The following CNTNAP2 variants were observed in gnomAD, a reference collection of about 807,000 sequenced individuals.
CNTNAP2 encodes contactin-associated protein-like 2.
In CNTNAP2, 98 loss-of-function variants were observed where a neutral mutation model predicts 155.2. That is an observed-to-expected ratio of 0.63 (90% CI 0.54 to 0.75). CNTNAP2 has a LOEUF of 0.75. CNTNAP2 is among the 30% of genes least tolerant of loss of function. The pLI, the probability that CNTNAP2 is intolerant of heterozygous loss-of-function variation, is 0.00. For missense variants in CNTNAP2, 1,727 were observed against 1,688.1 expected, an observed-to-expected ratio of 1.02 and a Z score of -0.40; for synonymous variants, 651 against 631.2, an observed-to-expected ratio of 1.03 and a Z score of -0.47.
chr7:147,909,079 T>C (rs1228257215), intron 14 of CNTNAP2, among the ~76,000 whole-genome samples: 1 of 152,198 alleles, frequency 6.6e-6, no homozygotes, highest in African/African-American at 2.4e-5. Flanking sequence ...CTAAAAATTA[T>C]TTTAAAATGT....
intron 14 of CNTNAP2, among the ~76,000 whole-genome samples, chr7:147,928,485 A>AT (rs1281250405): frequency 6.6e-6 from 1 of 152,066 alleles, no homozygotes; most frequent in African/African-American, 2.4e-5. Context: ...TTATTTATTT[A>AT]TTTTTTCTCA....
intron 8 of CNTNAP2, among the ~76,000 whole-genome samples, chr7:147,211,044 C>T (rs1473856867): frequency 1.3e-5 from 2 of 149,172 alleles, no homozygotes; most frequent in African/African-American, 4.9e-5. Context: ...TTGAGACTTG[C>T]TTTATGGCTG....
At chr7:146,415,640 A>C (rs1795927357) in intron 1 of CNTNAP2, among the ~76,000 whole-genome samples, 1 of 97,972 alleles carries the variant, frequency 1.0e-5, no homozygotes, top group Admixed American at 9.9e-5. Context: ...TAATTAAGAC[A>C]CTCCACTTTT....
At chr7:147,166,574 G>C (rs564360039) in intron 8 of CNTNAP2, among the ~76,000 whole-genome samples, 2 of 152,286 alleles carry the variant, frequency 1.3e-5, no homozygotes, top group African/African-American at 4.8e-5. Context: ...GCGTCCGTGT[G>C]AAGAGACCAC....
chr7:147,601,674 TAC>T lies in CNTNAP2; in HGVS notation c.1898-37427_1898-37426del, dbSNP rs1214188201. 7.8e-3 allele frequency among the ~76,000 whole-genome samples: 1,107 copies of T among 141,278 alleles called. 36 individuals are homozygous for T. Among genetic ancestry groups the T allele is most frequent in the East Asian group, 0.074 (354 of 4,812 alleles). The allele number at this position is 141,278 out of a possible 152,430, so 92.7% of individuals were successfully genotyped here. ...ATATATATATATATATATATATATATACACACCATCATAGTAACATATCTAGA... is the reference window on the plus strand; with the variant it reads ...ATATATATATATATATATATATATATACACCATCATAGTAACATATCTAGA... On this transcript the variant is annotated intron_variant, in intron 12 of 23. Transcript: ENST00000361727.
At chr7:147,576,815 A>G (rs1188520100) in intron 12 of CNTNAP2, among the ~76,000 whole-genome samples, 3 of 152,004 alleles carry the variant, frequency 2.0e-5, no homozygotes, top group Non-Finnish European at 2.9e-5. Context: ...TTGGGGTAGT[A>G]TCTACCTCTA....
At chr7:146,698,114 C>T (rs1800813105) in intron 1 of CNTNAP2, among the ~76,000 whole-genome samples, 1 of 152,116 alleles carries the variant, frequency 6.6e-6, no homozygotes, top group African/African-American at 2.4e-5. Flanking sequence ...TCACATGTAA[C>T]ATTGCTCATT....
At chr7:147,483,521 C>T (rs562744023) in intron 10 of CNTNAP2, among the ~76,000 whole-genome samples, 9 of 152,196 alleles carry the variant, frequency 5.9e-5, no homozygotes, top group African/African-American at 2.2e-4. Flanking sequence ...TTATTTACAC[C>T]ACATTTAGAT....
intron 1 of CNTNAP2, among the ~76,000 whole-genome samples, chr7:146,474,853 A>T (rs1391174271): frequency 6.6e-6 from 1 of 152,178 alleles, no homozygotes; most frequent in Non-Finnish European, 1.5e-5. Flanking sequence ...GCTGCTTCTC[A>T]TCTCTACTTA....
chr7:146,157,558 C>T (rs1798146009), intron 1 of CNTNAP2, among the ~76,000 whole-genome samples: 1 of 152,144 alleles, frequency 6.6e-6, no homozygotes, highest in African/African-American at 2.4e-5. Context: ...TTTCCAATGG[C>T]CTTAGGAAAT....
chr7:146,134,614 G>A (rs1797769887), intron 1 of CNTNAP2, among the ~76,000 whole-genome samples: 1 of 150,390 alleles, frequency 6.6e-6, no homozygotes, highest in Non-Finnish European at 1.5e-5. Flanking sequence ...AGAGTTTTTA[G>A]CATGAAGTGT....
At chr7:146,516,180 T>TAG (rs1388919315) in intron 1 of CNTNAP2, among the ~76,000 whole-genome samples, 3 of 151,980 alleles carry the variant, frequency 2.0e-5, no homozygotes, top group Non-Finnish European at 4.4e-5. Flanking sequence ...AAGAGACTCT[T>TAG]TACTATCATG....
intron 8 of CNTNAP2, among the ~76,000 whole-genome samples, chr7:147,171,057 C>G (rs1164837661): frequency 6.6e-6 from 1 of 152,156 alleles, no homozygotes. Flanking sequence ...CCGCCTCTAT[C>G]AAATCTCCCA....
At chr7:147,410,954 T>C (rs1052440221) in intron 10 of CNTNAP2, among the ~76,000 whole-genome samples, 1 of 152,168 alleles carries the variant, frequency 6.6e-6, no homozygotes, top group African/African-American at 2.4e-5. Flanking sequence ...CCTAGCTTCT[T>C]TGTTGGTCTT....
At chr7:147,349,184 C>T (rs75892222) in intron 9 of CNTNAP2, among the ~76,000 whole-genome samples, 3,374 of 151,870 alleles carry the variant, frequency 0.022, 72 homozygotes, top group African/African-American at 0.056. Context: ...AGGATGAATA[C>T]GCTAATTATC....
intron 2 of CNTNAP2, among the ~76,000 whole-genome samples, chr7:146,817,060 T>G (rs1803185462): frequency 6.6e-6 from 1 of 152,180 alleles, no homozygotes; most frequent in Admixed American, 6.5e-5. Context: ...TGGTTAGAGT[T>G]GATGGACGAC....
intron 3 of CNTNAP2, among the ~76,000 whole-genome samples, chr7:146,855,573 T>C (rs937363401): frequency 1.5e-4 from 23 of 151,848 alleles, no homozygotes; most frequent in African/African-American, 5.6e-4. Flanking sequence ...AAAAGAAAAG[T>C]ACAAAGAGCG....
chr7:146,803,904 C>T (rs1802923690), intron 2 of CNTNAP2, among the ~76,000 whole-genome samples: 1 of 152,154 alleles, frequency 6.6e-6, no homozygotes, highest in Admixed American at 6.6e-5. Context: ...CCTTGTAGAG[C>T]TCCCTTTGAT....
At chr7:147,602,359 ATTT>A (rs35409223) in intron 12 of CNTNAP2, among the ~76,000 whole-genome samples, 23 of 146,204 alleles carry the variant, frequency 1.6e-4, no homozygotes, top group Admixed American at 2.0e-4. Context: ...ACTTCAGTCT[ATTT>A]TTTTTTTTTT....
Sources: gnomAD v4.1 joint callset for allele counts (sites outside exome capture counted in the v4.1 genomes callset) on GRCh38, gnomAD v4.1.1 for gene constraint, MANE v1.5 for transcripts, NCBI Gene and HGNC (gene_info 2026-07-23, HGNC 2026-07-21) for gene names.